EIF2B3: variants seen among roughly 807,000 people sequenced by gnomAD.
EIF2B3 encodes eukaryotic translation initiation factor 2B subunit gamma.
In EIF2B3, 20 loss-of-function variants were observed where a neutral mutation model predicts 54.1. The observed-to-expected ratio is 0.37, with a 90% CI of 0.26 to 0.54. EIF2B3 has a LOEUF of 0.54. Among genes scored for constraint, EIF2B3 ranks in the 20% least tolerant of loss-of-function variants. EIF2B3 has a pLI of 0.86. For synonymous variants in EIF2B3, 153 were observed against 188.1 expected (o/e 0.81, Z 1.52); for missense variants, 448 against 547.8 (o/e 0.82, Z 1.82).
At chr1:44,923,701 T>C (rs563846968) in intron 5 of EIF2B3, among the ~76,000 whole-genome samples, 2 of 152,194 alleles carry the variant, frequency 1.3e-5, no homozygotes, top group South Asian at 4.1e-4. Context: ...GAGGCATTAA[T>C]TCATTAATTA....
chr1:44,892,295 C>T (rs1297997593), intron 6 of EIF2B3, among the ~76,000 whole-genome samples: 1 of 152,090 alleles, frequency 6.6e-6, no homozygotes, highest in East Asian at 1.9e-4. Context: ...GTAGAGCTTT[C>T]TTGGCTGGGC....
intron 6 of EIF2B3, among the ~76,000 whole-genome samples, chr1:44,892,512 G>A (rs1199889437): frequency 6.6e-6 from 1 of 151,898 alleles, no homozygotes; most frequent in Non-Finnish European, 1.5e-5. Flanking sequence ...CCCAGGAGGT[G>A]GAGGCTGCAG....
chr1:44,878,912 C>G (rs1250263961), intron 8 of EIF2B3, among the ~76,000 whole-genome samples: 1 of 151,998 alleles, frequency 6.6e-6, no homozygotes, highest in Admixed American at 6.6e-5. Flanking sequence ...CCACATGCCA[C>G]CATACCTGGC....
chr1:44,966,951 G>A (rs1462798955), intron 3 of EIF2B3, among the ~76,000 whole-genome samples: 1 of 151,840 alleles, frequency 6.6e-6, no homozygotes, highest in Non-Finnish European at 1.5e-5. Context: ...GAGTAGCTGG[G>A]ACTACGAGCA....
intron 4 of EIF2B3, among the ~76,000 whole-genome samples, chr1:44,937,066 A>T (rs1188391104): frequency 1.3e-5 from 2 of 152,168 alleles, no homozygotes; most frequent in South Asian, 2.1e-4. Context: ...GTATTTTTTT[A>T]AAAATCTTGA....
intron 5 of EIF2B3, among the ~76,000 whole-genome samples, chr1:44,900,396 GA>G (rs1643257958): frequency 8.0e-6 from 1 of 124,882 alleles, no homozygotes; most frequent in African/African-American, 3.1e-5. Flanking sequence ...GCAGTTAGCT[GA>G]TAACATGCCA....
intron 3 of EIF2B3, among the ~76,000 whole-genome samples, chr1:44,959,909 T>C (rs1273120513): frequency 2.6e-5 from 4 of 152,238 alleles, no homozygotes; most frequent in African/African-American, 9.6e-5. Flanking sequence ...TACACGTCAC[T>C]TTGAATTCTA....
At chr1:44,964,561 G>C (rs1644317621) in intron 3 of EIF2B3, among the ~76,000 whole-genome samples, 1 of 152,170 alleles carries the variant, frequency 6.6e-6, no homozygotes, top group African/African-American at 2.4e-5. Flanking sequence ...TCCAGCATGG[G>C]GATTTCATTG....
rs1644255862 is a variant in EIF2B3 at position 44,958,931 on chromosome 1, T to C, written c.295-17266A>G. ...ATCTGAAACAGACGGAGAAAATATA[T>C]ACTCAGCAAATACAAAGCGAGGATG... On this transcript the variant is annotated intron_variant, in intron 3 of 11. Transcript: ENST00000360403. The C allele has an allele frequency of 5.1e-6, 4 of 779,872 alleles. No individual in the cohort carries two copies. In the Admixed American group the frequency reaches 5.6e-5, roughly 11 times the overall value. 48.3% of individuals were successfully genotyped at this position (779,872 alleles called of 1,614,324 possible).
intron 4 of EIF2B3, among the ~76,000 whole-genome samples, chr1:44,935,197 C>T (rs879681248): frequency 3.3e-5 from 5 of 151,946 alleles, no homozygotes; most frequent in Admixed American, 6.6e-5. Context: ...ACTATAGAGA[C>T]AATAGTCAAT....
intron 1 of EIF2B3, 92 bp from the exon 2 acceptor site, chr1:44,981,269 T>C: frequency 3.1e-6 from 4 of 1,304,938 alleles, no homozygotes; most frequent in Non-Finnish European, 4.4e-6. Context: ...TTTAGGTTAC[T>C]GATACCCACT....
Position 44,959,358 on chromosome 1 carries a change from C to A in EIF2B3, c.295-17693G>T, listed in dbSNP as rs116092499. ...TCTGAGTGGTGAATTAGAGCAGCAGCAATTTCTAGCAGGGCCTTCAAAGTA... is the reference window on the plus strand; with the variant it reads ...TCTGAGTGGTGAATTAGAGCAGCAGAAATTTCTAGCAGGGCCTTCAAAGTA... On this transcript the variant is annotated intron_variant, in intron 3 of 11. Transcript: ENST00000360403. 1.7e-3 allele frequency: 950 copies of A among 572,176 alleles called. 5 individuals are homozygous for A. In the African/African-American group the frequency reaches 0.017, roughly 10 times the overall value. The allele number at this position is 572,176 out of a possible 1,614,324, so 35.4% of individuals were successfully genotyped here.
In EIF2B3 at chr1:44,978,403, A is replaced by C; in HGVS notation, c.206T>G (p.Met69Arg). Reference protein sequence around the residue: ...VQKALCAEFKMKMKPDIVCIP... With the variant: ...VQKALCAEFKRKMKPDIVCIP... The stretch of plus-strand genomic sequence containing the variant: ...ACACACAATATCTGGCTTCATTTTC[A>C]TCTTGAATTCTGCACATAGAGCCTT... Residue 69 changes from methionine (M) to arginine (R), a missense_variant, in exon 3 of 12, where the codon ATG becomes AGG. This residue lies in a region of EIF2B3 where 95 missense variants were observed against 115.7 expected (regional missense o/e 0.82). Transcript: ENST00000360403. 6.2e-7 allele frequency: 1 copy of C among 1,614,014 alleles called. No individual in the cohort carries two copies. The highest frequency in any genetic ancestry group is 8.5e-7 in the Non-Finnish European group (1 of 1,180,006).
At chr1:44,932,633 G>A (rs1184762455) in intron 4 of EIF2B3, among the ~76,000 whole-genome samples, 4 of 151,980 alleles carry the variant, frequency 2.6e-5, no homozygotes, top group Non-Finnish European at 5.9e-5. Flanking sequence ...GATCCTATAA[G>A]CTCCCCCTCC....
chr1:44,932,987 T>A (rs1171748521), intron 4 of EIF2B3, among the ~76,000 whole-genome samples: 1 of 152,062 alleles, frequency 6.6e-6, no homozygotes, highest in Non-Finnish European at 1.5e-5. Context: ...GATATGACAG[T>A]GAAGGGTGAA....
intron 10 of EIF2B3, among the ~76,000 whole-genome samples, chr1:44,864,705 T>C (rs1022890304): frequency 6.6e-6 from 1 of 152,158 alleles, no homozygotes; most frequent in African/African-American, 2.4e-5. Context: ...TCAGGTAGAG[T>C]TTTCCAGAGG....
At chr1:44,966,314 C>G (rs1401744909) in intron 3 of EIF2B3, among the ~76,000 whole-genome samples, 2 of 151,740 alleles carry the variant, frequency 1.3e-5, no homozygotes, top group Non-Finnish European at 2.9e-5. Flanking sequence ...TGGCGGGTGC[C>G]TGTAGTCCCA....
intron 11 of EIF2B3, among the ~76,000 whole-genome samples, chr1:44,857,445 C>T (rs1379248149): frequency 6.6e-6 from 1 of 151,880 alleles, no homozygotes; most frequent in Non-Finnish European, 1.5e-5. Context: ...GCAGAAGAAT[C>T]GCTTGAACCC....
intron 10 of EIF2B3, among the ~76,000 whole-genome samples, chr1:44,870,171 CAA>C (rs879268752): frequency 3.8e-3 from 408 of 108,116 alleles, no homozygotes; most frequent in Non-Finnish European, 5.8e-3. Context: ...GACCCCGTCT[CAA>C]AAAAGAGAGA....
Sources: gnomAD v4.1 joint callset for allele counts (sites outside exome capture counted in the v4.1 genomes callset) on GRCh38, gnomAD v4.1.1 for gene constraint, gnomAD v4.1.1 regional missense constraint, MANE v1.5 for transcripts, NCBI Gene and HGNC (gene_info 2026-07-23, HGNC 2026-07-21) for gene names.